Variants in SNTG1 observed in about 807,000 individuals in gnomAD.
The protein encoded by SNTG1 is gamma-1-syntrophin.
A neutral mutation model predicts 74.7 loss-of-function variants in SNTG1; 39 were observed. That is an observed-to-expected ratio of 0.52 (90% confidence interval 0.40 to 0.68). The LOEUF is 0.68. SNTG1 is among the 30% of genes least tolerant of loss of function. SNTG1 has a pLI of 0.00. For missense variants in SNTG1, 685 were observed against 609.5 expected (o/e 1.12, Z -1.30); for synonymous variants, 254 against 217.1 (o/e 1.17, Z -1.49).
chr8:50,142,613 A>C (rs1325170816), intron 1 of SNTG1, among the ~76,000 whole-genome samples: 1 of 152,100 alleles, frequency 6.6e-6, no homozygotes, highest in African/African-American at 2.4e-5. Flanking sequence ...ATTCAGGAAG[A>C]GATAAGGTTT....
chr8:50,213,812 G>T (rs2131931467), intron 2 of SNTG1, among the ~76,000 whole-genome samples: 1 of 151,928 alleles, frequency 6.6e-6, no homozygotes, highest in East Asian at 1.9e-4. Context: ...TGAGTTCATT[G>T]TAGATTCTGG....
chr8:50,523,971 A>G (rs146903188), intron 9 of SNTG1, among the ~76,000 whole-genome samples: 7 of 152,260 alleles, frequency 4.6e-5, no homozygotes, highest in Non-Finnish European at 1.0e-4. Flanking sequence ...CTTAACATTT[A>G]AATAATTGCT....
chr8:50,029,387 C>T (rs1045159697), intron 1 of SNTG1, among the ~76,000 whole-genome samples: 1 of 151,922 alleles, frequency 6.6e-6, no homozygotes, highest in Non-Finnish European at 1.5e-5. Flanking sequence ...AAATATGCAA[C>T]TAATTATTAT....
intron 2 of SNTG1, among the ~76,000 whole-genome samples, chr8:50,275,297 ATAGT>A (rs1274754507): frequency 6.6e-6 from 1 of 152,196 alleles, no homozygotes; most frequent in African/African-American, 2.4e-5. Flanking sequence ...GATTACTTAT[ATAGT>A]TAGATTACCT....
intron 1 of SNTG1, among the ~76,000 whole-genome samples, chr8:50,054,337 C>A (rs1197354949): frequency 3.3e-5 from 5 of 152,072 alleles, no homozygotes; most frequent in Non-Finnish European, 7.4e-5. Context: ...ATTCTATATT[C>A]AACCAATCAC....
intron 13 of SNTG1, among the ~76,000 whole-genome samples, chr8:50,655,759 T>A (rs2095176267): frequency 1.3e-5 from 2 of 152,202 alleles, no homozygotes; most frequent in Non-Finnish European, 2.9e-5. Context: ...CTTGCATTGT[T>A]ATTAGTCAAC....
intron 1 of SNTG1, among the ~76,000 whole-genome samples, chr8:49,912,729 C>G (rs1040538028): frequency 6.6e-6 from 1 of 152,160 alleles, no homozygotes; most frequent in African/African-American, 2.4e-5. Context: ...ATGCCAACCT[C>G]CAAGTATACC....
intron 12 of SNTG1, among the ~76,000 whole-genome samples, chr8:50,578,047 G>A (rs150712697): frequency 1.3e-3 from 200 of 152,290 alleles, no homozygotes; most frequent in African/African-American, 4.4e-3. Context: ...TCAAAAGATA[G>A]CTAATTTTTT....
chr8:50,402,497 C>T (rs1257298087), intron 4 of SNTG1, among the ~76,000 whole-genome samples, 153 bp downstream of exon 4: 1 of 152,138 alleles, frequency 6.6e-6, no homozygotes, highest in African/African-American at 2.4e-5. Flanking sequence ...TAATCAGCGG[C>T]CCTGTACGAG....
At chr8:50,532,425 A>G (rs183605244) in intron 10 of SNTG1, among the ~76,000 whole-genome samples, 1 of 152,362 alleles carries the variant, frequency 6.6e-6, no homozygotes, top group Non-Finnish European at 1.5e-5. Flanking sequence ...CATACAATTA[A>G]CTATAACATA....
intron 1 of SNTG1, among the ~76,000 whole-genome samples, chr8:50,096,623 T>C (rs1243084531): frequency 6.6e-6 from 1 of 152,176 alleles, no homozygotes; most frequent in Non-Finnish European, 1.5e-5. Flanking sequence ...TCAATGGGAA[T>C]CATAAAATGT....
At chr8:50,371,736 A>G (rs945352348) in intron 2 of SNTG1, among the ~76,000 whole-genome samples, 1 of 152,170 alleles carries the variant, frequency 6.6e-6, no homozygotes, top group African/African-American at 2.4e-5. Context: ...CTATATATTT[A>G]TAATTATTAC....
At chr8:50,120,350 C>T (rs2080954477) in intron 1 of SNTG1, among the ~76,000 whole-genome samples, 2 of 140,078 alleles carry the variant, frequency 1.4e-5, no homozygotes, top group Non-Finnish European at 1.6e-5. Context: ...ATCACGACTA[C>T]TGCCACTAAT....
intron 12 of SNTG1, among the ~76,000 whole-genome samples, chr8:50,576,263 C>T (rs1351285565): frequency 6.6e-6 from 1 of 152,110 alleles, no homozygotes; most frequent in Non-Finnish European, 1.5e-5. Context: ...GTGGTTTTGG[C>T]ATCTGTGTTA....
chr8:49,936,238 TA>T (rs1808070387), intron 1 of SNTG1, among the ~76,000 whole-genome samples: 1 of 152,166 alleles, frequency 6.6e-6, no homozygotes, highest in African/African-American at 2.4e-5. Context: ...TAACGCCTTT[TA>T]AAAAATAAAT....
chr8:50,774,295 A>C (rs1180929917), intron 18 of SNTG1, among the ~76,000 whole-genome samples: 1 of 151,946 alleles, frequency 6.6e-6, no homozygotes, highest in Non-Finnish European at 1.5e-5. Flanking sequence ...GAATAAAAAC[A>C]AAAGACATAA....
intron 1 of SNTG1, among the ~76,000 whole-genome samples, chr8:50,084,390 G>A (rs1822686310): frequency 6.6e-6 from 1 of 152,086 alleles, no homozygotes; most frequent in Admixed American, 6.6e-5. Context: ...AATCCTGAAG[G>A]CGGAGGTTGC....
intron 2 of SNTG1, among the ~76,000 whole-genome samples, chr8:50,329,904 C>G (rs2090897651): frequency 6.6e-6 from 1 of 152,132 alleles, no homozygotes; most frequent in African/African-American, 2.4e-5. Flanking sequence ...TTCAGATCAT[C>G]TCTTTCCAGT....
intron 1 of SNTG1, among the ~76,000 whole-genome samples, chr8:50,002,949 T>G (rs1814882516): frequency 6.6e-6 from 1 of 152,110 alleles, no homozygotes; most frequent in Admixed American, 6.6e-5. Context: ...TGCTACAACA[T>G]AGAAATGAAC....
Sources: allele counts gnomAD v4.1 joint callset (sites outside exome capture counted in the v4.1 genomes callset), GRCh38; gene constraint gnomAD v4.1.1; transcripts MANE v1.5; gene names NCBI Gene and HGNC (gene_info 2026-07-23, HGNC 2026-07-21).